GSAP: variants seen among roughly 807,000 people sequenced by gnomAD.
GSAP encodes gamma-secretase activating protein, also known as gamma-secretase-activating protein.
Under a neutral mutation model 131.7 loss-of-function variants are expected in GSAP, and 118 were observed. That is an observed-to-expected ratio of 0.90 (90% CI 0.77 to 1.04). The LOEUF is 1.04. Ranked by LOEUF, GSAP falls within the 50% of genes least tolerant of loss-of-function variation. The pLI, the probability that GSAP is intolerant of heterozygous loss-of-function variation, is 0.00. For synonymous variants in GSAP, 381 were observed against 363.4 expected, an observed-to-expected ratio of 1.05 and a Z score of -0.55; for missense variants, 1,019 against 1,013.2, an observed-to-expected ratio of 1.01 and a Z score of -0.08.
intron 26 of GSAP, 53 bp from the exon 27 acceptor site, chr7:77,314,542 C>T (rs558067983): frequency 1.2e-6 from 2 of 1,607,672 alleles, no homozygotes; most frequent in African/African-American, 1.3e-5. Context: ...CTCCAGCAGC[C>T]CCCGGGGAAT....
intron 5 of GSAP, among the ~76,000 whole-genome samples, chr7:77,395,052 T>C (rs547256232): frequency 2.0e-5 from 3 of 152,208 alleles, no homozygotes; most frequent in Non-Finnish European, 4.4e-5. Context: ...CATCCCTGAA[T>C]AGACTTTAAT....
At chr7:77,381,053 G>A (rs961835423) in intron 8 of GSAP, among the ~76,000 whole-genome samples, 40 of 152,178 alleles carry the variant, frequency 2.6e-4, no homozygotes, top group African/African-American at 9.4e-4. Context: ...GGTAAAAGCT[G>A]TGGAAAGACA....
At position 77,412,076 on chromosome 7, in the gene GSAP, G is replaced by A. The variant is rs1439415300; in HGVS notation, c.109+4137C>T. Among the ~76,000 whole-genome samples, 11 of 152,296 alleles carry A rather than the reference G, an allele frequency of 7.2e-5. No individual in the cohort carries two copies. The East Asian group carries it at 1.7e-3, about 24-fold the overall frequency. The stretch of plus-strand genomic sequence containing the variant: ...TGCCCGTAATCCCAGCTACTTGGGA[G>A]GCTGAGGCAGGAGAATCGCTTGAAC... On this transcript the variant is annotated intron_variant, in intron 1 of 30. Transcript: ENST00000257626.
At chr7:77,385,832 T>TA (rs1798488184) in intron 6 of GSAP, among the ~76,000 whole-genome samples, 1 of 152,038 alleles carries the variant, frequency 6.6e-6, no homozygotes, top group African/African-American at 2.4e-5. Context: ...AGGCTGGTAA[T>TA]AGCTTGGGGG....
At chr7:77,346,538 A>C (rs1048439776) in intron 19 of GSAP, among the ~76,000 whole-genome samples, 1 of 98,472 alleles carries the variant, frequency 1.0e-5, no homozygotes, top group African/African-American at 5.2e-5. Context: ...TGTCTCTACC[A>C]AAAAAAAAAA....
chr7:77,375,422 G>A (rs899086028), intron 10 of GSAP, among the ~76,000 whole-genome samples: 2 of 152,190 alleles, frequency 1.3e-5, no homozygotes, highest in African/African-American at 4.8e-5. Flanking sequence ...TCTTTTACAA[G>A]ACATAGATGA....
At position 77,355,554 on chromosome 7, in the gene GSAP, C is replaced by G. The variant is rs1169943209; in HGVS notation, c.1120+1G>C. On this transcript the variant is annotated splice_donor_variant, in intron 15 of 30. Coordinates refer to ENST00000257626, the MANE Select transcript of GSAP (RefSeq NM_017439.4). LOFTEE classifies it high-confidence loss of function. ...CTACAAGAGAAAAACTATAGCCGTA[C>G]CTGTCAGAAAGAGATTGTGGCAGAT... 6.2e-7 allele frequency: 1 copy of G among 1,601,380 alleles called. No homozygotes were observed.
At chr7:77,396,184 C>A (rs1800353106) in intron 5 of GSAP, among the ~76,000 whole-genome samples, 2 of 152,070 alleles carry the variant, frequency 1.3e-5, no homozygotes, top group Non-Finnish European at 2.9e-5. Flanking sequence ...ACTACTAGTC[C>A]CTATATCTCT....
chr7:77,366,333 G>T (rs1424658040), intron 12 of GSAP, among the ~76,000 whole-genome samples: 1 of 152,034 alleles, frequency 6.6e-6, no homozygotes, highest in Non-Finnish European at 1.5e-5. Flanking sequence ...GGATGGTATT[G>T]CCTACGTTTT....
At chr7:77,367,083 A>T (rs1374895053) in intron 12 of GSAP, among the ~76,000 whole-genome samples, 1 of 152,208 alleles carries the variant, frequency 6.6e-6, no homozygotes, top group Admixed American at 6.5e-5. Flanking sequence ...TTGTATCCTG[A>T]AAGTTTGCTG....
chr7:77,411,528 C>G (rs1056204733), intron 1 of GSAP, among the ~76,000 whole-genome samples: 1 of 151,884 alleles, frequency 6.6e-6, no homozygotes, highest in South Asian at 2.1e-4. Flanking sequence ...ATGAGAGCAA[C>G]AAAAAAATAA....
Position 77,354,125 on chromosome 7 carries a change from G to A in GSAP, c.1339-484C>T, listed in dbSNP as rs533041808. ...ATAATCCCTGCTATACCATCAACTC[G>A]CTCATCTCCATAATCATCCTCACCT... is the stretch of plus-strand genomic sequence containing the variant. On this transcript the variant is annotated intron_variant, in intron 16 of 30. Transcript: ENST00000257626. Among the ~76,000 whole-genome samples, 20 of 152,172 alleles carry A rather than the reference G, an allele frequency of 1.3e-4. No homozygotes were observed. The East Asian group carries it at 3.7e-3, about 28-fold the overall frequency.
intron 19 of GSAP, among the ~76,000 whole-genome samples, chr7:77,345,203 C>A (rs1791608213): frequency 6.6e-6 from 1 of 152,142 alleles, no homozygotes; most frequent in Non-Finnish European, 1.5e-5. Flanking sequence ...CACATCCAGG[C>A]CATCACCAAT....
chr7:77,379,827 CCAGAGCTCCAGTGA>C (rs1325783652), intron 8 of GSAP: 1 of 981,622 alleles, frequency 1.0e-6, no homozygotes, highest in Non-Finnish European at 1.2e-6. Context: ...CAATGGTAGC[CCAGAGCTCCAGTGA>C]CATACTTTCT....
chr7:77,363,513 T>G (rs1563032849), intron 12 of GSAP, among the ~76,000 whole-genome samples: 1 of 152,226 alleles, frequency 6.6e-6, no homozygotes, highest in African/African-American at 2.4e-5. Context: ...TAACTAGCTG[T>G]GTGAATTCAA....
At chr7:77,416,172 A>T (rs1182293247) in intron 1 of GSAP, 41 bp downstream of exon 1, 5 of 1,008,702 alleles carry the variant, frequency 5.0e-6, no homozygotes, top group Non-Finnish European at 6.8e-6. Context: ...AGGGACTCCC[A>T]CTCCCCGCCC....
intron 1 of GSAP, among the ~76,000 whole-genome samples, chr7:77,414,187 T>C (rs1031998364): frequency 1.3e-5 from 2 of 152,230 alleles, no homozygotes; most frequent in African/African-American, 4.8e-5. Context: ...ACATTAAGGC[T>C]TCAAATTCAG....
intron 3 of GSAP, among the ~76,000 whole-genome samples, chr7:77,401,318 A>C (rs1381092155): frequency 6.6e-6 from 1 of 152,164 alleles, no homozygotes; most frequent in Non-Finnish European, 1.5e-5. Flanking sequence ...CAGAAAACTA[A>C]GGAGAAAGAA....
At chr7:77,406,811 G>A (rs951460749) in intron 1 of GSAP, among the ~76,000 whole-genome samples, 1 of 152,182 alleles carries the variant, frequency 6.6e-6, no homozygotes, top group African/African-American at 2.4e-5. Flanking sequence ...AGGAGCCGAG[G>A]GTAGGGAGAG....
Sources: allele counts gnomAD v4.1 joint callset (sites outside exome capture counted in the v4.1 genomes callset), GRCh38; gene constraint gnomAD v4.1.1; transcripts MANE v1.5; gene names NCBI Gene and HGNC (gene_info 2026-07-23, HGNC 2026-07-21).